Variants in DCAF12 observed in about 807,000 individuals in gnomAD.
The protein encoded by DCAF12 is DDB1 and CUL4 associated factor 12.
DCAF12 carries 28 observed loss-of-function variants against 52.8 expected under a neutral mutation model. That is an observed-to-expected ratio of 0.53 (90% CI 0.39 to 0.73). The LOEUF is 0.73. DCAF12 is among the 30% of genes least tolerant of loss of function. The probability of loss-of-function intolerance (pLI) is 0.00; values close to 1 mark genes in which losing one functional copy is unlikely to be tolerated. For missense variants in DCAF12, 425 were observed against 552.2 expected (o/e 0.77, Z 2.31); for synonymous variants, 196 against 215.5 (o/e 0.91, Z 0.79).
intron 2 of DCAF12, among the ~76,000 whole-genome samples, chr9:34,108,830 T>C (rs901508979): frequency 6.8e-6 from 1 of 146,630 alleles, no homozygotes; most frequent in Non-Finnish European, 1.5e-5. Context: ...TATATATATA[T>C]GAATGAGGTG....
chr9:34,089,748 G>C, intron 7 of DCAF12, 158 bp from the exon 8 acceptor site: 1 of 612,598 alleles, frequency 1.6e-6, no homozygotes, highest in Non-Finnish European at 2.6e-6. Flanking sequence ...TGGCAAGTTA[G>C]CTCATGCAAA....
intron 2 of DCAF12, among the ~76,000 whole-genome samples, chr9:34,122,070 T>C (rs1238901591): frequency 6.6e-6 from 1 of 152,178 alleles, no homozygotes; most frequent in East Asian, 1.9e-4. Context: ...AATGTACATG[T>C]TTTCCAAGGT....
intron 2 of DCAF12, among the ~76,000 whole-genome samples, chr9:34,108,812 AATAT>A (rs59340595): frequency 2.9e-5 from 4 of 139,312 alleles, no homozygotes; most frequent in Non-Finnish European, 4.7e-5. Context: ...TAAATAAATA[AATAT>A]ATATATATAT....
At position 34,106,498 on chromosome 9, in the gene DCAF12, G is replaced by A. The variant is rs2131434511; in HGVS notation, c.541-4C>T. 1.2e-6 allele frequency: 2 copies of A among 1,608,384 alleles called. No individual in the cohort carries two copies. The highest frequency in any genetic ancestry group is 1.7e-6 in the Non-Finnish European group (2 of 1,176,188). ...AGATCCAGTCCTTGTGTCCATCCTT[G>A]GAGAGCAGGGAGTAACAGGTACAGG... On this transcript the variant is annotated splice_polypyrimidine_tract_variant and splice_region_variant and intron_variant, in intron 3 of 8. Coordinates refer to ENST00000361264, the MANE Select transcript of DCAF12 (RefSeq NM_015397.4).
Position 34,089,514 on chromosome 9 carries a change from G to C in DCAF12, c.1101C>G (p.Ile367Met). ...TCTCTTCCAGAAATCTCTGAGCTCGGATGTCATAGAACAGCAGGGAGCCCT... is the reference window on the plus strand; with the variant it reads ...TCTCTTCCAGAAATCTCTGAGCTCGCATGTCATAGAACAGCAGGGAGCCCT... ...TGQGSLLFYD[I>M]RAQRFLEERL... The change falls in exon 8 of 9, where the codon ATC (isoleucine) becomes ATG (methionine). Residue 367 changes from isoleucine to methionine, a missense_variant. Ile to Met is a conservative substitution (Grantham distance 10). Transcript: ENST00000361264. 1 of 1,614,142 alleles carries C rather than the reference G, an allele frequency of 6.2e-7. No individual in the cohort carries two copies.
intron 2 of DCAF12, among the ~76,000 whole-genome samples, chr9:34,111,776 T>C (rs1419494739): frequency 6.6e-6 from 1 of 152,162 alleles, no homozygotes; most frequent in African/African-American, 2.4e-5. Context: ...CTGGTGGCAC[T>C]AGACCAAACC....
intron 2 of DCAF12, chr9:34,109,370 G>C (rs895681780): frequency 9.9e-6 from 2 of 201,432 alleles, no homozygotes; most frequent in African/African-American, 4.7e-5. Context: ...ACAGCTCCTA[G>C]ATGGCTGTGT....
chr9:34,097,185 C>A (rs1828748536), intron 5 of DCAF12, among the ~76,000 whole-genome samples: 1 of 151,816 alleles, frequency 6.6e-6, no homozygotes, highest in Admixed American at 6.6e-5. Flanking sequence ...AGGGAACTAC[C>A]CTTCAAACTG....
chr9:34,092,995 G>A (rs1828669891), intron 7 of DCAF12, among the ~76,000 whole-genome samples: 1 of 152,154 alleles, frequency 6.6e-6, no homozygotes, highest in Non-Finnish European at 1.5e-5. Context: ...ACAGGCATGC[G>A]CCACTGCGCC....
intron 6 of DCAF12, chr9:34,095,707 G>C (rs1828725518): frequency 6.6e-6 from 1 of 152,004 alleles, no homozygotes; most frequent in Non-Finnish European, 1.5e-5. Context: ...GAGCATTCTG[G>C]ATTAGGGATG....
At chr9:34,117,259 T>TC (rs1158639676) in intron 2 of DCAF12, among the ~76,000 whole-genome samples, 2 of 150,778 alleles carry the variant, frequency 1.3e-5, no homozygotes, top group African/African-American at 4.8e-5. Flanking sequence ...ATCCTTGATT[T>TC]TTTTTTTTTT....
At chr9:34,088,612 T>C in intron 8 of DCAF12, 104 bp from the exon 9 acceptor site, 1 of 1,305,884 alleles carries the variant, frequency 7.7e-7, no homozygotes. Flanking sequence ...GGGAACAGGG[T>C]TCTACAGGTA....
chr9:34,106,582 A>C (rs1230218713), intron 3 of DCAF12, 88 bp from the exon 4 acceptor site: 3 of 1,079,184 alleles, frequency 2.8e-6, no homozygotes, highest in Non-Finnish European at 4.1e-6. Context: ...AGAAGCATAC[A>C]AGTCAGACTG....
rs1358132714 is a variant in DCAF12, at chr9:34,087,020, C to T, written c.*1330G>A. ...AAAATCAGGGAACAAGTGGACATCACAGTCAGCTGCCTGCAAGTTTAAAAA... is the reference window on the plus strand; with the variant it reads ...AAAATCAGGGAACAAGTGGACATCATAGTCAGCTGCCTGCAAGTTTAAAAA... On this transcript the variant is annotated 3_prime_UTR_variant, in exon 9 of 9. Coordinates refer to ENST00000361264, the MANE Select transcript of DCAF12 (RefSeq NM_015397.4). 1 of 152,194 alleles carries T rather than the reference C, an allele frequency of 6.6e-6. No homozygotes were observed. The highest frequency in any genetic ancestry group is 1.5e-5 in the Non-Finnish European group (1 of 68,054). The allele number at this position is 152,194 out of a possible 1,614,324, so 9.4% of individuals were successfully genotyped here.
intron 6 of DCAF12, among the ~76,000 whole-genome samples, chr9:34,096,435 C>T (rs919353939): frequency 2.6e-5 from 4 of 151,958 alleles, no homozygotes; most frequent in African/African-American, 7.3e-5. Flanking sequence ...TGTGTTCCTA[C>T]TAAAAATACA....
Position 34,126,436 on chromosome 9 carries a change from G to T in DCAF12, c.-5C>A, listed in dbSNP as rs777431326. Reference sequence around the variant, plus strand: ...GCTAACTACTTTCCGGGCCATAGTGGGCAGCGCCGCCGCGGCCCCGCAGCC... The same window carrying T: ...GCTAACTACTTTCCGGGCCATAGTGTGCAGCGCCGCCGCGGCCCCGCAGCC... On this transcript the variant is annotated 5_prime_UTR_variant, in exon 1 of 9. Coordinates refer to ENST00000361264, the MANE Select transcript of DCAF12 (RefSeq NM_015397.4). The T allele has an allele frequency of 6.2e-7, 1 of 1,604,924 alleles. No homozygotes were observed.
rs371651057 is a variant in DCAF12, at chr9:34,089,389, A to G, written c.1203+23T>C. 3.1e-5 allele frequency: 50 copies of G among 1,600,702 alleles called. No homozygotes were observed. In the African/African-American group the frequency reaches 6.2e-4, roughly 20 times the overall value. On this transcript the variant is annotated intron_variant, in intron 8 of 8. Transcript: ENST00000361264. ...ATTTTTCTGTTACTGTGTAGCAGTC[A>G]TCTCAGGTAGGGGCTTACGCACCAG...
intron 4 of DCAF12, among the ~76,000 whole-genome samples, chr9:34,105,456 G>C (rs1374243225): frequency 6.6e-6 from 1 of 151,814 alleles, no homozygotes; most frequent in Non-Finnish European, 1.5e-5. Flanking sequence ...ACTAAAAAAA[G>C]ACTAGCAAGT....
At chr9:34,120,686 A>G (rs932588889) in intron 2 of DCAF12, among the ~76,000 whole-genome samples, 5 of 148,588 alleles carry the variant, frequency 3.4e-5, no homozygotes, top group African/African-American at 9.8e-5. Flanking sequence ...AAAAAAAAAA[A>G]AGAAAACAAA....
Sources: allele counts gnomAD v4.1 joint callset (sites outside exome capture counted in the v4.1 genomes callset), GRCh38; gene constraint gnomAD v4.1.1; transcripts MANE v1.5; gene names NCBI Gene and HGNC (gene_info 2026-07-23, HGNC 2026-07-21).